Variants in FZD3 observed in about 807,000 individuals in gnomAD.
The protein encoded by FZD3 is frizzled class receptor 3.
In FZD3, 30 loss-of-function variants were observed where a neutral mutation model predicts 60.7. The ratio of observed to expected loss-of-function variants is 0.49; its 90% CI spans 0.37 to 0.67. The LOEUF is 0.67. FZD3 is among the 30% of genes least tolerant of loss of function. The probability of loss-of-function intolerance (pLI) is 0.00; values close to 1 mark genes in which losing one functional copy is unlikely to be tolerated. For missense variants in FZD3, 605 were observed against 838.7 expected (o/e 0.72, Z 3.44); for synonymous variants, 246 against 275.2 (o/e 0.89, Z 1.05).
chr8:28,565,490 A>G lies in FZD3; in HGVS notation c.*2479A>G, dbSNP rs1345552629. 1 of 152,218 alleles carries G rather than the reference A, an allele frequency of 6.6e-6. No individual in the cohort carries two copies. Among genetic ancestry groups the G allele is most frequent in the Non-Finnish European group, 1.5e-5 (1 of 68,018 alleles). The allele number at this position is 152,218 out of a possible 1,614,324, so 9.4% of individuals were successfully genotyped here. A position where few individuals can be genotyped will look rare whatever the true frequency, so the allele number is the denominator to read the frequency against. On this transcript the variant is annotated 3_prime_UTR_variant, in exon 8 of 8. Transcript: ENST00000240093. ...AGAAGGTACCAGTTTGGGCTCGAAG[A>G]TGTTGTCATCCATTGCCATCTGCAT...
intron 5 of FZD3, among the ~76,000 whole-genome samples, chr8:28,533,887 T>C (rs1163048814): frequency 1.3e-5 from 2 of 152,160 alleles, no homozygotes; most frequent in Non-Finnish European, 2.9e-5. Context: ...ATGAATTCCT[T>C]TGTGATTCTT....
At chr8:28,554,587 T>C (rs934389511) in intron 6 of FZD3, among the ~76,000 whole-genome samples, 1 of 152,078 alleles carries the variant, frequency 6.6e-6, no homozygotes, top group Non-Finnish European at 1.5e-5. Flanking sequence ...AAAACTTTAG[T>C]TTCTTTGTCT....
At chr8:28,546,507 A>G (rs1046418920) in intron 5 of FZD3, among the ~76,000 whole-genome samples, 4 of 152,122 alleles carry the variant, frequency 2.6e-5, no homozygotes, top group African/African-American at 9.7e-5. Context: ...ACAATCCCCT[A>G]TTGTTGACCT....
intron 3 of FZD3, chr8:28,505,131 C>T (rs1368080853): frequency 6.5e-6 from 1 of 154,820 alleles, no homozygotes; most frequent in African/African-American, 2.4e-5. Flanking sequence ...GACGTGGAAA[C>T]TCAGCAGACA....
At position 28,564,132 on chromosome 8, in the gene FZD3, TTGAG is replaced by T. The variant is rs1473591254; in HGVS notation, c.*1123_*1126del. The T allele has an allele frequency of 1.3e-5, 2 of 152,646 alleles. No homozygotes were observed. Among genetic ancestry groups the T allele is most frequent in the African/African-American group, 2.4e-5 (1 of 41,458 alleles). The allele number at this position is 152,646 out of a possible 1,614,324, so 9.5% of individuals were successfully genotyped here. On this transcript the variant is annotated 3_prime_UTR_variant, in exon 8 of 8. Coordinates refer to ENST00000240093, the MANE Select transcript of FZD3 (RefSeq NM_017412.4). ...ACCTCAGTCCAAAGTGGTGATTGATTTGAGTATTTGAAAATTGTTGTAGCTAAAT... is the reference window on the plus strand; with the variant it reads ...ACCTCAGTCCAAAGTGGTGATTGATTTATTTGAAAATTGTTGTAGCTAAAT...
At chr8:28,511,688 T>C (rs2130314096) in intron 3 of FZD3, among the ~76,000 whole-genome samples, 1 of 152,322 alleles carries the variant, frequency 6.6e-6, no homozygotes, top group East Asian at 1.9e-4. Flanking sequence ...GTGTGGATGT[T>C]ATTTCCTTAA....
At chr8:28,503,387 G>A (rs1262497356) in intron 3 of FZD3, among the ~76,000 whole-genome samples, 185 bp downstream of exon 3, 1 of 152,072 alleles carries the variant, frequency 6.6e-6, no homozygotes, top group Non-Finnish European at 1.5e-5. Context: ...TTCACATTTG[G>A]TGAATGTTAC....
chr8:28,497,272 A>T (rs1350115433), intron 1 of FZD3, among the ~76,000 whole-genome samples: 1 of 152,220 alleles, frequency 6.6e-6, no homozygotes, highest in African/African-American at 2.4e-5. Flanking sequence ...AAGTTCAGAA[A>T]AGAGATACTC....
intron 7 of FZD3, 114 bp downstream of exon 7, chr8:28,556,085 C>T: frequency 1.4e-6 from 1 of 714,272 alleles, no homozygotes; most frequent in Admixed American, 2.3e-5. Context: ...AGCCTTTGAA[C>T]TTTGCTAGAT....
rs1370667883 is a variant in FZD3, at chr8:28,557,879, A to G, written c.1787+1908A>G. On this transcript the variant is annotated intron_variant, in intron 7 of 7. Coordinates refer to ENST00000240093, the MANE Select transcript of FZD3 (RefSeq NM_017412.4). ...AAACAATCAATTACAATACACTTCA[A>G]TAGGTATAGTAAAAATATGTACAGG... 4.6e-5 allele frequency among the ~76,000 whole-genome samples: 7 copies of G among 152,360 alleles called. No homozygotes were observed. In the South Asian group the frequency reaches 1.2e-3, roughly 27 times the overall value.
rs1398491259 is a variant in FZD3 at position 28,523,126 on chromosome 8, G to A, written c.386+2292G>A. Among the ~76,000 whole-genome samples, 4 of 152,232 alleles carry A rather than the reference G, an allele frequency of 2.6e-5. No individual in the cohort carries two copies. In the East Asian group the frequency reaches 5.8e-4, roughly 22 times the overall value. On this transcript the variant is annotated intron_variant, in intron 4 of 7. Transcript: ENST00000240093. ...TCTTTCATAGCTCTCATACTTTTGT[G>A]CCTACTATACTGGTTGCCTTGGTTC...
In FZD3 at chr8:28,570,189, C is replaced by G. The variant is rs1260048743; in HGVS notation, c.*7178C>G. ...TCTGGAAAAATTCCTTAATTGTCAT[C>G]TGATATAATGTAGAGATTGAGGCCA... On this transcript the variant is annotated 3_prime_UTR_variant, in exon 8 of 8. Transcript: ENST00000240093. 1 of 152,140 alleles carries G rather than the reference C, an allele frequency of 6.6e-6. No homozygotes were observed. Among genetic ancestry groups the G allele is most frequent in the East Asian group, 1.9e-4 (1 of 5,198 alleles). The allele number at this position is 152,140 out of a possible 1,614,324, so 9.4% of individuals were successfully genotyped here.
chr8:28,494,697 A>G (rs1803790813), intron 1 of FZD3, among the ~76,000 whole-genome samples: 3 of 151,994 alleles, frequency 2.0e-5, no homozygotes, highest in East Asian at 1.9e-4. Flanking sequence ...CGGCTCGGCA[A>G]CCTGTGCGAG....
intron 5 of FZD3, among the ~76,000 whole-genome samples, chr8:28,532,890 G>C (rs1033232413): frequency 6.6e-6 from 1 of 152,100 alleles, no homozygotes; most frequent in African/African-American, 2.4e-5. Flanking sequence ...GCCTACTCTT[G>C]GAAAGGATTT....
intron 4 of FZD3, among the ~76,000 whole-genome samples, 183 bp downstream of exon 4, chr8:28,521,017 AAAAG>A (rs1804564483): frequency 6.6e-6 from 1 of 152,220 alleles, no homozygotes; most frequent in African/African-American, 2.4e-5. Context: ...CACTAAATGA[AAAAG>A]AAAACATTTC....
At chr8:28,549,716 GAT>G (rs1805369429) in intron 5 of FZD3, among the ~76,000 whole-genome samples, 1 of 152,122 alleles carries the variant, frequency 6.6e-6, no homozygotes, top group Non-Finnish European at 1.5e-5. Context: ...TTGAGATATA[GAT>G]ACATAGTGTC....
At chr8:28,558,750 GATGA>G (rs1279048131) in intron 7 of FZD3, among the ~76,000 whole-genome samples, 2 of 152,136 alleles carry the variant, frequency 1.3e-5, no homozygotes, top group African/African-American at 2.4e-5. Flanking sequence ...TCCTTTCAAT[GATGA>G]ATGAATAATT....
intron 5 of FZD3, among the ~76,000 whole-genome samples, chr8:28,528,468 A>T (rs1321537861): frequency 6.6e-6 from 1 of 151,944 alleles, no homozygotes; most frequent in Admixed American, 6.6e-5. Context: ...CACTTTACCA[A>T]CGTTTATAAA....
chr8:28,514,317 TAAA>T lies in FZD3; in HGVS notation c.190-6313_190-6311del, dbSNP rs61103140. Among the ~76,000 whole-genome samples the T allele has an allele frequency of 8.4e-3, 1,275 of 151,330 alleles. 6 individuals carry two copies. Among genetic ancestry groups the T allele is most frequent in the African/African-American group, 0.018 (729 of 41,278 alleles). The stretch of plus-strand genomic sequence containing the variant: ...TGCTGAGGTCAAAAATTGTTAAGGA[TAAA>T]AAAAAAATCAGGGCAATTTGCTTAT... On this transcript the variant is annotated intron_variant, in intron 3 of 7. Coordinates refer to ENST00000240093, the MANE Select transcript of FZD3 (RefSeq NM_017412.4).
Sources: gnomAD v4.1 joint callset for allele counts (sites outside exome capture counted in the v4.1 genomes callset) on GRCh38, gnomAD v4.1.1 for gene constraint, MANE v1.5 for transcripts, NCBI Gene and HGNC (gene_info 2026-07-23, HGNC 2026-07-21) for gene names.